Variants in LRRK2 observed in about 807,000 individuals in gnomAD.
LRRK2 encodes the protein leucine-rich repeat serine/threonine-protein kinase 2.
In LRRK2, 203 loss-of-function variants were observed where a neutral mutation model predicts 302.6. The observed-to-expected ratio is 0.67, with a 90% CI of 0.60 to 0.75. The LOEUF (loss-of-function observed/expected upper bound fraction) is 0.75. Among genes scored for constraint, LRRK2 ranks in the 30% least tolerant of loss-of-function variants. The pLI is 0.00. For missense variants in LRRK2, 2,830 were observed against 2,951.0 expected, an observed-to-expected ratio of 0.96 and a Z score of 0.95; for synonymous variants, 1,066 against 1,031.9, an observed-to-expected ratio of 1.03 and a Z score of -0.63.
chr12:40,321,750 T>A (rs753779045), intron 35 of LRRK2, among the ~76,000 whole-genome samples: 1 of 152,076 alleles, frequency 6.6e-6, no homozygotes, highest in African/African-American at 2.4e-5. Context: ...TTTTTAAAAA[T>A]TATGAGGATT....
At chr12:40,336,958 TG>T (rs567339567) in intron 40 of LRRK2, among the ~76,000 whole-genome samples, 10 of 152,234 alleles carry the variant, frequency 6.6e-5, no homozygotes, top group Non-Finnish European at 1.5e-4. Flanking sequence ...ATCTCTAAAA[TG>T]ACTTATTCTA....
intron 20 of LRRK2, among the ~76,000 whole-genome samples, chr12:40,289,371 GTTC>G (rs890555276): frequency 1.9e-4 from 29 of 151,450 alleles, no homozygotes; most frequent in Non-Finnish European, 4.0e-4. Context: ...AAAAAAAATT[GTTC>G]TTATTATTCT....
chr12:40,242,329 G>C (rs1941766710), intron 6 of LRRK2, among the ~76,000 whole-genome samples: 1 of 152,018 alleles, frequency 6.6e-6, no homozygotes, highest in South Asian at 2.1e-4. Context: ...TTTGCAAACA[G>C]CCTTTTTTTA....
At chr12:40,321,959 T>C in intron 35 of LRRK2, 76 bp from the exon 36 acceptor site, 1 of 1,410,834 alleles carries the variant, frequency 7.1e-7, no homozygotes, top group Non-Finnish European at 1.0e-6. Flanking sequence ...TGTATTACAA[T>C]CACTTGTGTT....
At chr12:40,348,810 A>G (rs1311580332) in intron 43 of LRRK2, among the ~76,000 whole-genome samples, 3 of 152,070 alleles carry the variant, frequency 2.0e-5, no homozygotes, top group African/African-American at 4.8e-5. Flanking sequence ...AAATTTTTAT[A>G]TATAACATAC....
At chr12:40,250,678 G>C (rs964311428) in intron 8 of LRRK2, among the ~76,000 whole-genome samples, 1 of 152,020 alleles carries the variant, frequency 6.6e-6, no homozygotes, top group African/African-American at 2.4e-5. Flanking sequence ...CCCCTAACAG[G>C]CCCCAGTGTG....
intron 32 of LRRK2, among the ~76,000 whole-genome samples, chr12:40,314,678 C>G (rs964915508): frequency 6.6e-6 from 1 of 152,008 alleles, no homozygotes; most frequent in East Asian, 1.9e-4. Context: ...ATTCTCAAAG[C>G]AACTTCAGTG....
chr12:40,302,453 A>G (rs1468218870), intron 25 of LRRK2, among the ~76,000 whole-genome samples: 2 of 152,232 alleles, frequency 1.3e-5, no homozygotes, highest in South Asian at 2.1e-4. Flanking sequence ...GAGTAATTCT[A>G]GTTAATCTAT....
At chr12:40,280,297 A>T (rs141740579) in intron 18 of LRRK2, among the ~76,000 whole-genome samples, 1 of 152,046 alleles carries the variant, frequency 6.6e-6, no homozygotes, top group Non-Finnish European at 1.5e-5. Flanking sequence ...AAAACAAACC[A>T]ACAAGCAAAA....
chr12:40,282,837 T>A (rs1328793297), intron 18 of LRRK2, among the ~76,000 whole-genome samples: 2 of 152,210 alleles, frequency 1.3e-5, no homozygotes, highest in African/African-American at 2.4e-5. Flanking sequence ...TCCTCTGAGT[T>A]GGTACCCTGG....
At chr12:40,317,472 G>C (rs1178799771) in intron 33 of LRRK2, among the ~76,000 whole-genome samples, 1 of 152,020 alleles carries the variant, frequency 6.6e-6, no homozygotes, top group East Asian at 1.9e-4. Context: ...TAATTTCATG[G>C]TGCAGAAGCT....
At chr12:40,270,450 T>C (rs1448897564) in intron 14 of LRRK2, among the ~76,000 whole-genome samples, 1 of 152,192 alleles carries the variant, frequency 6.6e-6, no homozygotes, top group African/African-American at 2.4e-5. Flanking sequence ...AAAAGTTTAA[T>C]TCCCTGAATA....
chr12:40,318,520 G>A lies in LRRK2; in HGVS notation c.4828-1468G>A, dbSNP rs557343640. ...TATTAGCCCCTATGATACAGATGAA[G>A]AAATTGATTGACAGAGAGGTTGAAT... On this transcript the variant is annotated intron_variant, in intron 33 of 50. Coordinates refer to ENST00000298910, the MANE Select transcript of LRRK2 (RefSeq NM_198578.4). Among the ~76,000 whole-genome samples, 9 of 152,118 alleles carry A rather than the reference G, an allele frequency of 5.9e-5. 1 individual carries two copies. Among genetic ancestry groups the A allele is most frequent in the African/African-American group, 2.2e-4 (9 of 41,534 alleles).
Position 40,308,527 on chromosome 12 carries a change from G to A in LRRK2, c.4020G>A (p.Val1340=). 6.2e-7 allele frequency: 1 copy of A among 1,613,914 alleles called. No homozygotes were observed. The highest frequency in any genetic ancestry group is 1.1e-5 in the South Asian group (1 of 91,064). ...ATAACCGAATGAAACTTATGATTGT[G>A]GGAAATACTGGGAGTGGTAAAACCA... ...VPYNRMKLMI[V]GNTGSGKTTL... The change falls in exon 29 of 51, where the codon GTG becomes GTA. Residue 1340 remains valine, a synonymous_variant. Coordinates refer to ENST00000298910, the MANE Select transcript of LRRK2 (RefSeq NM_198578.4).
chr12:40,363,111 CCACATAG>C (rs1482896860), intron 47 of LRRK2, among the ~76,000 whole-genome samples: 1 of 151,854 alleles, frequency 6.6e-6, no homozygotes, highest in Non-Finnish European at 1.5e-5. Context: ...CTACAAAGAG[CCACATAG>C]AATTGAAACT....
intron 14 of LRRK2, among the ~76,000 whole-genome samples, chr12:40,272,142 G>A (rs893812981): frequency 6.6e-6 from 1 of 152,154 alleles, no homozygotes; most frequent in African/African-American, 2.4e-5. Flanking sequence ...TGACAACAGA[G>A]CATTGAAGCA....
chr12:40,272,221 G>T (rs181860173), intron 14 of LRRK2, among the ~76,000 whole-genome samples: 114 of 152,282 alleles, frequency 7.5e-4, no homozygotes, highest in African/African-American at 2.6e-3. Context: ...TGCCAAACAG[G>T]AATGCTGGTA....
At chr12:40,351,278 A>G (rs1946344124) in intron 43 of LRRK2, among the ~76,000 whole-genome samples, 1 of 152,082 alleles carries the variant, frequency 6.6e-6, no homozygotes, top group African/African-American at 2.4e-5. Context: ...TGTTTAATTG[A>G]CCCTTGAGAT....
intron 6 of LRRK2, among the ~76,000 whole-genome samples, chr12:40,242,475 G>A (rs1004086181): frequency 6.6e-6 from 1 of 151,632 alleles, no homozygotes; most frequent in Admixed American, 6.6e-5. Context: ...ACCTGTGTTT[G>A]TCCCTAAGAC....
Sources: allele counts gnomAD v4.1 joint callset (sites outside exome capture counted in the v4.1 genomes callset), GRCh38; gene constraint gnomAD v4.1.1; transcripts MANE v1.5; gene names NCBI Gene and HGNC (gene_info 2026-07-23, HGNC 2026-07-21).